DYSF: variants seen among roughly 807,000 people sequenced by gnomAD.
DYSF encodes the protein dysferlin.
DYSF carries 212 observed loss-of-function variants against 274.9 expected under a neutral mutation model. That is an observed-to-expected ratio of 0.77 (90% CI 0.69 to 0.86). DYSF has a LOEUF of 0.86. Among genes scored for constraint, DYSF ranks in the 40% least tolerant of loss-of-function variants. The probability of loss-of-function intolerance (pLI) is 0.00; values close to 1 mark genes in which losing one functional copy is unlikely to be tolerated. For synonymous variants in DYSF, 1,091 were observed against 1,078.7 expected, an observed-to-expected ratio of 1.01 and a Z score of -0.22; for missense variants, 2,666 against 2,783.2, an observed-to-expected ratio of 0.96 and a Z score of 0.95.
At chr2:71,595,419 C>G (rs2093379011) in intron 32 of DYSF, among the ~76,000 whole-genome samples, 1 of 152,198 alleles carries the variant, frequency 6.6e-6, no homozygotes, top group Admixed American at 6.5e-5. Flanking sequence ...GGCCGAGCGA[C>G]TTGGTCTTCC....
At chr2:71,525,526 C>A (rs189528105) in intron 12 of DYSF, among the ~76,000 whole-genome samples, 239 of 152,254 alleles carry the variant, frequency 1.6e-3, no homozygotes, top group African/African-American at 5.5e-3. Flanking sequence ...GCCCAGGCTT[C>A]CCCAGGTGTT....
rs548053634 is a variant in DYSF at position 71,617,387 on chromosome 2, T to C, written c.4465-3160T>C. On this transcript the variant is annotated intron_variant, in intron 40 of 55. Coordinates refer to ENST00000410020, the MANE Select transcript of DYSF (RefSeq NM_001130987.2). Reference sequence around the variant, plus strand: ...GTCTCCTGGCCCTGCAAGTTCACCATAGGCTAAGCAACCAGGGAAGCTTCT... The same window carrying C: ...GTCTCCTGGCCCTGCAAGTTCACCACAGGCTAAGCAACCAGGGAAGCTTCT... Among the ~76,000 whole-genome samples, 23 of 152,276 alleles carry C rather than the reference T, an allele frequency of 1.5e-4. No homozygotes were observed. The South Asian group carries it at 2.9e-3, about 19-fold the overall frequency.
chr2:71,643,817 G>A, intron 41 of DYSF, 148 bp from the exon 42 acceptor site: 1 of 714,960 alleles, frequency 1.4e-6, no homozygotes. Context: ...GAGAGGCGGA[G>A]GTTTCCTCTC....
intron 55 of DYSF, among the ~76,000 whole-genome samples, chr2:71,683,458 T>G (rs1327711617): frequency 6.6e-6 from 1 of 152,206 alleles, no homozygotes; most frequent in Non-Finnish European, 1.5e-5. Context: ...CTTTAGACCT[T>G]GAAGGGGTTG....
intron 20 of DYSF, among the ~76,000 whole-genome samples, chr2:71,553,406 C>T (rs1358258283): frequency 4.6e-5 from 7 of 152,206 alleles, no homozygotes; most frequent in Admixed American, 4.6e-4. Context: ...CTGTGGTCAG[C>T]ATTGACCCTG....
chr2:71,491,791 GT>G (rs2083877401), intron 3 of DYSF, among the ~76,000 whole-genome samples: 1 of 152,236 alleles, frequency 6.6e-6, no homozygotes, highest in Admixed American at 6.5e-5. Flanking sequence ...TATGTATCAC[GT>G]TTTCTTTATC....
At chr2:71,487,154 C>G (rs1160589606) in intron 3 of DYSF, among the ~76,000 whole-genome samples, 1 of 152,198 alleles carries the variant, frequency 6.6e-6, no homozygotes, top group East Asian at 1.9e-4. Context: ...CCCACTAGAA[C>G]TTTCTGAGAT....
At chr2:71,531,199 G>C (rs116670786) in intron 14 of DYSF, among the ~76,000 whole-genome samples, 2,513 of 152,006 alleles carry the variant, frequency 0.017, 38 homozygotes, top group Admixed American at 0.023. Flanking sequence ...CACCACCCTG[G>C]AGAGAATTAC....
At chr2:71,668,945 G>C in intron 49 of DYSF, 103 bp downstream of exon 49, 1 of 1,379,812 alleles carries the variant, frequency 7.2e-7, no homozygotes, top group Non-Finnish European at 1.0e-6. Flanking sequence ...CGGGCTTCAG[G>C]CTATTTGGGC....
In DYSF at chr2:71,686,744, A is replaced by G. The variant is rs1259995057; in HGVS notation, c.*252A>G. 3 of 559,796 alleles carry G rather than the reference A, an allele frequency of 5.4e-6. No homozygotes were observed. Among genetic ancestry groups the G allele is most frequent in the East Asian group, 3.1e-5 (1 of 32,044 alleles). The allele number at this position is 559,796 out of a possible 1,614,324, so 34.7% of individuals were successfully genotyped here. ...TGGATCAGCTCAGACATATTTCAGTATAAAACAGTTGGAACCACACAGCAG... is the reference window on the plus strand; with the variant it reads ...TGGATCAGCTCAGACATATTTCAGTGTAAAACAGTTGGAACCACACAGCAG... On this transcript the variant is annotated 3_prime_UTR_variant, in exon 56 of 56. Transcript: ENST00000410020.
In DYSF at chr2:71,500,571, C is replaced by T. The variant is rs542383673; in HGVS notation, c.240-2643C>T. 8.5e-5 allele frequency among the ~76,000 whole-genome samples: 13 copies of T among 152,260 alleles called. No individual in the cohort carries two copies. The East Asian group carries it at 2.5e-3, about 30-fold the overall frequency. On this transcript the variant is annotated intron_variant, in intron 3 of 55. Coordinates refer to ENST00000410020, the MANE Select transcript of DYSF (RefSeq NM_001130987.2). ...GCAGGGGTGGGGGTGCTACTTCCTT[C>T]TGCATTTCCTGCCATTGTTCCCTGA...
chr2:71,516,148 C>T (rs2086628018), intron 8 of DYSF, 32 bp from the exon 9 acceptor site: 2 of 1,611,524 alleles, frequency 1.2e-6, no homozygotes, highest in Admixed American at 3.3e-5. Context: ...TCAGCAGGCA[C>T]TGATATGTCT....
At chr2:71,572,039 A>G (rs1457681978) in intron 29 of DYSF, among the ~76,000 whole-genome samples, 1 of 146,372 alleles carries the variant, frequency 6.8e-6, no homozygotes, top group African/African-American at 2.6e-5. Context: ...CACCTAGCAC[A>G]CCCACAGATC....
chr2:71,674,154 A>G (rs2095178229), intron 51 of DYSF, 43 bp from the exon 52 acceptor site: 1 of 1,585,730 alleles, frequency 6.3e-7, no homozygotes, highest in African/African-American at 1.3e-5. Context: ...CCTCTCTCTA[A>G]CCTTGCTTCC....
rs10659171 is a variant in DYSF, at chr2:71,473,918, A to ATTTT, written c.92-6943_92-6940dup. ...TAATTGCAGTTCTACTTTCTGTATG[A>ATTTT]TTTTTTTTTTTTTTTTTTTTTTTTT... On this transcript the variant is annotated intron_variant, in intron 1 of 55. Coordinates refer to ENST00000410020, the MANE Select transcript of DYSF (RefSeq NM_001130987.2). Among the ~76,000 whole-genome samples the ATTTT allele has an allele frequency of 3.8e-3, 321 of 83,784 alleles. 13 individuals are homozygous for ATTTT. Among genetic ancestry groups the ATTTT allele is most frequent in the African/African-American group, 0.014 (252 of 17,522 alleles). 55.0% of individuals were successfully genotyped at this position (83,784 alleles called of 152,430 possible).
intron 22 of DYSF, among the ~76,000 whole-genome samples, chr2:71,557,627 T>G (rs2091430660): frequency 1.3e-5 from 2 of 151,490 alleles, no homozygotes; most frequent in African/African-American, 4.9e-5. Context: ...AAGACAGTGA[T>G]AGTGGGAGGG....
At chr2:71,569,783 C>T in intron 26 of DYSF, 37 bp from the exon 27 acceptor site, 1 of 1,575,380 alleles carries the variant, frequency 6.3e-7, no homozygotes, top group East Asian at 2.2e-5. Context: ...GCCTCTCCAG[C>T]AGAGCAGCAG....
intron 29 of DYSF, among the ~76,000 whole-genome samples, chr2:71,571,673 CCACAGATCACACCCAGCACATG>C (rs1216545640): frequency 2.4e-3 from 272 of 112,878 alleles, no homozygotes; most frequent in Admixed American, 3.5e-3. Flanking sequence ...CCCAGCACAC[CCACAGATCACACCCAGCACATG>C]CACAGATCAC....
At chr2:71,596,749 AT>A (rs1163243159) in intron 32 of DYSF, among the ~76,000 whole-genome samples, 1 of 151,882 alleles carries the variant, frequency 6.6e-6, no homozygotes, top group African/African-American at 2.4e-5. Context: ...GCTCAAAACC[AT>A]TTTCCTGCAG....
Sources: gnomAD v4.1 joint callset for allele counts (sites outside exome capture counted in the v4.1 genomes callset) on GRCh38, gnomAD v4.1.1 for gene constraint, MANE v1.5 for transcripts, NCBI Gene and HGNC (gene_info 2026-07-23, HGNC 2026-07-21) for gene names.